The following SF3B3 variants were observed in gnomAD, a reference collection of about 807,000 sequenced individuals.
SF3B3 encodes the protein splicing factor 3b subunit 3, also known as SAP 130.
In SF3B3, 33 loss-of-function variants were observed where a neutral mutation model predicts 139.2. That is an observed-to-expected ratio of 0.24 (90% CI 0.18 to 0.32). The LOEUF (loss-of-function observed/expected upper bound fraction) is 0.32. Among genes scored for constraint, SF3B3 ranks in the 10% least tolerant of loss-of-function variants. The probability of loss-of-function intolerance (pLI) is 1.00; values close to 1 mark genes in which losing one functional copy is unlikely to be tolerated. For synonymous variants in SF3B3, 596 were observed against 563.6 expected (o/e 1.06, Z -0.81); for missense variants, 818 against 1,509.4 (o/e 0.54, Z 7.59).
At chr16:70,544,681 A>T in intron 10 of SF3B3, 148 bp downstream of exon 10, 1 of 598,894 alleles carries the variant, frequency 1.7e-6, no homozygotes, top group Non-Finnish European at 3.0e-6. Flanking sequence ...CGAAGTTTAT[A>T]CTTCAGATTT....
chr16:70,560,640 C>A (rs2151791487), intron 16 of SF3B3, 49 bp downstream of exon 16: 1 of 1,596,982 alleles, frequency 6.3e-7, no homozygotes, highest in Non-Finnish European at 8.6e-7. Flanking sequence ...ATTTTAGTGG[C>A]ACCATCTGAG....
rs767239840 is a variant in SF3B3 at position 70,563,863 on chromosome 16, T to G, written c.2289-13T>G. On this transcript the variant is annotated splice_polypyrimidine_tract_variant and intron_variant, in intron 17 of 25. Coordinates refer to ENST00000302516, the MANE Select transcript of SF3B3 (RefSeq NM_012426.5). ...AGTGAGTATTAAATAACTGCCTTGC[T>G]TTTTTGTCATAGGATTTTGGCATTA... 22 of 1,613,288 alleles carry G rather than the reference T, an allele frequency of 1.4e-5. No individual in the cohort carries two copies. The South Asian group carries it at 2.4e-4, about 18-fold the overall frequency.
At chr16:70,525,447 C>G (rs896457660) in intron 1 of SF3B3, among the ~76,000 whole-genome samples, 2 of 152,080 alleles carry the variant, frequency 1.3e-5, no homozygotes, top group African/African-American at 4.8e-5. Context: ...AAAATGAATT[C>G]CAAAGGTTTG....
At chr16:70,557,302 A>C (rs1457232217) in intron 15 of SF3B3, among the ~76,000 whole-genome samples, 2 of 152,244 alleles carry the variant, frequency 1.3e-5, no homozygotes, top group South Asian at 4.1e-4. Flanking sequence ...TGAAGGATCA[A>C]CTGTAGTTCC....
intron 22 of SF3B3, 123 bp downstream of exon 22, chr16:70,568,618 C>G (rs760766206): frequency 1.5e-5 from 11 of 721,840 alleles, no homozygotes; most frequent in Non-Finnish European, 2.1e-5. Context: ...TTCCATCCTA[C>G]TAAAGCTAAC....
chr16:70,525,354 G>A (rs910183553), intron 1 of SF3B3, among the ~76,000 whole-genome samples: 2 of 152,104 alleles, frequency 1.3e-5, no homozygotes, highest in Non-Finnish European at 2.9e-5. Flanking sequence ...TCTAGTACTG[G>A]ACTGATCCTC....
In SF3B3 at chr16:70,532,461, T is replaced by C; in HGVS notation, c.571-18T>C. ...ATTTTATGCTGATGATTAGTTTTTA[T>C]GCCACTATTCTCTGTAGGAAGCAGA... On this transcript the variant is annotated intron_variant, in intron 4 of 25. Transcript: ENST00000302516. 1 of 1,612,628 alleles carries C rather than the reference T, an allele frequency of 6.2e-7. No homozygotes were observed.
intron 10 of SF3B3, among the ~76,000 whole-genome samples, chr16:70,547,698 A>T (rs1234578405): frequency 1.3e-5 from 2 of 152,154 alleles, no homozygotes; most frequent in Non-Finnish European, 2.9e-5. Context: ...GGTTCAAGCG[A>T]TTCTCCCGCC....
intron 5 of SF3B3, among the ~76,000 whole-genome samples, chr16:70,534,199 A>C (rs1341267175): frequency 6.6e-6 from 1 of 152,170 alleles, no homozygotes; most frequent in Admixed American, 6.5e-5. Context: ...TTGGAGTGGG[A>C]GAGGAAGTTT....
intron 15 of SF3B3, among the ~76,000 whole-genome samples, chr16:70,558,434 T>C (rs2050398393): frequency 6.6e-6 from 1 of 152,158 alleles, no homozygotes; most frequent in African/African-American, 2.4e-5. Context: ...TAATGTTTTA[T>C]TAACTCTGTA....
At chr16:70,529,773 A>G (rs905543118) in intron 3 of SF3B3, among the ~76,000 whole-genome samples, 2 of 152,138 alleles carry the variant, frequency 1.3e-5, no homozygotes, top group Non-Finnish European at 2.9e-5. Context: ...CTTTAAAAAA[A>G]TTTATTTATT....
intron 24 of SF3B3, among the ~76,000 whole-genome samples, 184 bp downstream of exon 24, chr16:70,570,333 G>GTTTTTTTTTTTT (rs71151192): frequency 8.2e-6 from 1 of 121,810 alleles, no homozygotes. Context: ...AGGCCATTTG[G>GTTTTTTTTTTTT]TTTTTTTTTT....
chr16:70,526,996 G>T lies in SF3B3; in HGVS notation c.70+270G>T, dbSNP rs926849631. ...AGTGCCAAGTCGTGTGCCTATTGCT[G>T]TAAGACATACTGAGATGTGTAAGAC... On this transcript the variant is annotated intron_variant, in intron 2 of 25. Coordinates refer to ENST00000302516, the MANE Select transcript of SF3B3 (RefSeq NM_012426.5). 1.9e-5 allele frequency: 10 copies of T among 522,676 alleles called. No homozygotes were observed. In the African/African-American group the frequency reaches 1.9e-4, roughly 10 times the overall value. 32.4% of individuals were successfully genotyped at this position (522,676 alleles called of 1,614,324 possible). A position where few individuals can be genotyped will look rare whatever the true frequency, so the allele number is the denominator to read the frequency against.
chr16:70,571,058 C>T (rs1386607272), intron 24 of SF3B3, 37 bp from the exon 25 acceptor site: 1 of 1,445,058 alleles, frequency 6.9e-7, no homozygotes. Flanking sequence ...TAGTTGAAAT[C>T]ACTTCTCAGT....
In SF3B3 at chr16:70,574,994, A is replaced by G. The variant is rs545479922; in HGVS notation, c.*3181A>G. 7 of 152,288 alleles carry G rather than the reference A, an allele frequency of 4.6e-5. No individual in the cohort carries two copies. Among genetic ancestry groups the G allele is most frequent in the African/African-American group, 1.7e-4 (7 of 41,566 alleles). 9.4% of individuals were successfully genotyped at this position (152,288 alleles called of 1,614,324 possible). A position where few individuals can be genotyped will look rare whatever the true frequency, so the allele number is the denominator to read the frequency against. On this transcript the variant is annotated 3_prime_UTR_variant, in exon 26 of 26. Transcript: ENST00000302516. Reference sequence around the variant, plus strand: ...AAAAACGTCACAACGGAGGAAAGGAATAGATGGCTCTCGAGGACAAGATAG... The same window carrying G: ...AAAAACGTCACAACGGAGGAAAGGAGTAGATGGCTCTCGAGGACAAGATAG...
chr16:70,571,151 C>T lies in SF3B3; in HGVS notation c.3465C>T (p.Leu1155=), dbSNP rs2050525352. 1 of 1,614,008 alleles carries T rather than the reference C, an allele frequency of 6.2e-7. No individual in the cohort carries two copies. The highest frequency in any genetic ancestry group is 8.5e-7 in the Non-Finnish European group (1 of 1,180,004). ...ACCTGCGGTCTGAACATCCCCCTCT[C>T]TGTGGGCGGGACCACCTCAGCTTTC... ...EMHLRSEHPP[L]CGRDHLSFRS... is the part of the protein sequence containing the mutation. Residue 1155 remains leucine (L), a synonymous_variant, in exon 25 of 26, where the codon CTC becomes CTT. Coordinates refer to ENST00000302516, the MANE Select transcript of SF3B3 (RefSeq NM_012426.5).
chr16:70,556,324 T>G lies in SF3B3; in HGVS notation c.1856T>G (p.Leu619Arg). The change falls in exon 14 of 26, where the codon CTG becomes CGG. Residue 619 changes from leucine to arginine, a missense_variant. Around this residue, in one of 14 missense-constraint regions of SF3B3, gnomAD observed 170 missense variants for 353.0 expected, o/e 0.48. Coordinates refer to ENST00000302516, the MANE Select transcript of SF3B3 (RefSeq NM_012426.5). ...LVDNTVRIIS[L>R]DPSDCLQPLS... Reference sequence around the variant, plus strand: ...GACAACACTGTCAGAATCATCTCCCTGGATCCCTCAGTGAGTGACACTCTG... The same window carrying G: ...GACAACACTGTCAGAATCATCTCCCGGGATCCCTCAGTGAGTGACACTCTG... 6.2e-7 allele frequency: 1 copy of G among 1,614,212 alleles called. No homozygotes were observed. Among genetic ancestry groups the G allele is most frequent in the Non-Finnish European group, 8.5e-7 (1 of 1,180,042 alleles).
rs781427770 is a variant in SF3B3, at chr16:70,555,099, G to A, written c.1603G>A (p.Glu535Lys). Residue 535 changes from glutamate (E) to lysine (K), a missense_variant, in exon 13 of 26, where the codon GAG (glutamate) becomes AAG (lysine). Physicochemically the swap from Glu to Lys is moderately conservative, Grantham distance 56. This residue lies in a region of SF3B3 where 170 missense variants were observed against 353.0 expected (regional missense o/e 0.48). Coordinates refer to ENST00000302516, the MANE Select transcript of SF3B3 (RefSeq NM_012426.5). ...CATACGAGCAGACAAGAGAGTCAAT[G>A]AGTGGAAGACCCCTGGAAAGAAAAC... ...RHIRADKRVN[E>K]WKTPGKKTIV... 1 of 1,614,182 alleles carries A rather than the reference G, an allele frequency of 6.2e-7. No homozygotes were observed. Among genetic ancestry groups the A allele is most frequent in the Non-Finnish European group, 8.5e-7 (1 of 1,180,012 alleles).
chr16:70,550,725 C>T, intron 11 of SF3B3: 1 of 944,680 alleles, frequency 1.1e-6, no homozygotes, highest in Non-Finnish European at 1.3e-6. Flanking sequence ...ATAGTTTATC[C>T]AAGGAGAGGG....
Sources: allele counts gnomAD v4.1 joint callset (sites outside exome capture counted in the v4.1 genomes callset), GRCh38; gene constraint gnomAD v4.1.1; regional missense constraint gnomAD v4.1.1; transcripts MANE v1.5; gene names NCBI Gene and HGNC (gene_info 2026-07-23, HGNC 2026-07-21).